Variants in TENM1 observed in about 807,000 individuals in gnomAD.
TENM1 encodes teneurin transmembrane protein 1.
TENM1 carries 35 observed loss-of-function variants against 174.8 expected under a neutral mutation model. The observed-to-expected ratio is 0.20, with a 90% CI of 0.15 to 0.27. The LOEUF (loss-of-function observed/expected upper bound fraction) is 0.27. TENM1 is among the 10% of genes least tolerant of loss of function. TENM1 has a pLI of 1.00. For missense variants in TENM1, 1,633 were observed against 2,130.1 expected, an observed-to-expected ratio of 0.77 and a Z score of 4.59; for synonymous variants, 781 against 798.7, an observed-to-expected ratio of 0.98 and a Z score of 0.37.
At chrX:124,538,975 G>C (rs2048262762) in intron 15 of TENM1, among the ~76,000 whole-genome samples, 1 of 111,388 alleles carries the variant, frequency 9.0e-6, no homozygotes, top group African/African-American at 3.3e-5. Context: ...GTGGTCTAAG[G>C]CTGTTACTGA....
chrX:124,648,887 T>C (rs1340303712), intron 8 of TENM1, among the ~76,000 whole-genome samples: 1 of 112,035 alleles, frequency 8.9e-6, no homozygotes. Flanking sequence ...TAAATAAAAA[T>C]CCGTACATCT....
At chrX:124,900,028 G>A (rs1426339134) in intron 1 of TENM1, among the ~76,000 whole-genome samples, 1 of 112,402 alleles carries the variant, frequency 8.9e-6, no homozygotes. Flanking sequence ...CTTACCAAAA[G>A]AGCAATTGGA....
At chrX:124,556,185 G>T (rs759105007) in intron 14 of TENM1, among the ~76,000 whole-genome samples, 2 of 110,842 alleles carry the variant, frequency 1.8e-5, no homozygotes, top group Admixed American at 9.6e-5. Flanking sequence ...CAACAGCAGT[G>T]GTTATCCCAG....
the TENM1 span, among the ~76,000 whole-genome samples, chrX:125,027,792 TA>T: frequency 9.1e-6 from 1 of 110,103 alleles, no homozygotes; most frequent in South Asian, 3.8e-4. Flanking sequence ...CTCTTATGAC[TA>T]AAAAGTAGCA....
chrX:124,662,441 G>A (rs767114644), intron 6 of TENM1, among the ~76,000 whole-genome samples: 1 of 95,530 alleles, frequency 1.0e-5, no homozygotes, highest in East Asian at 3.3e-4. Context: ...ACGACAGGGC[G>A]AGACTTCATC....
chrX:125,191,155 A>G, the TENM1 span, among the ~76,000 whole-genome samples: 1 of 111,544 alleles, frequency 9.0e-6, no homozygotes, highest in South Asian at 3.7e-4. Context: ...TTTATTTCAT[A>G]TTATTTATTT....
At chrX:124,963,792 GAGGAAGTCCTTTAATGCA>G in exon 1 of TENM1, 1 of 1,094,135 alleles carries the variant, frequency 9.1e-7, no homozygotes, top group Non-Finnish European at 1.3e-6. Flanking sequence ...AAAAAAGGAT[GAGGAAGTCCTTTAATGCA>G]AGCAGTCCTG....
At chrX:124,527,446 G>A (rs1011578003) in intron 16 of TENM1, among the ~76,000 whole-genome samples, 5 of 110,568 alleles carry the variant, frequency 4.5e-5, no homozygotes, top group African/African-American at 6.6e-5. Flanking sequence ...TGCATTCAAC[G>A]GGGACTTTGA....
the TENM1 span, among the ~76,000 whole-genome samples, chrX:125,190,097 A>T: frequency 1.2e-4 from 13 of 111,589 alleles, no homozygotes; most frequent in Non-Finnish European, 2.4e-4. Flanking sequence ...GTGTTAATAA[A>T]AGAGACAGTT....
chrX:124,383,580 T>TC (rs2060185584), intron 30 of TENM1, 54 bp downstream of exon 33: 1 of 1,022,965 alleles, frequency 9.8e-7, no homozygotes, highest in Non-Finnish European at 1.3e-6. Context: ...TGTGATAAAA[T>TC]CAACAGTACT....
chrX:124,837,270 G>T (rs2056411098), intron 3 of TENM1, among the ~76,000 whole-genome samples: 1 of 111,633 alleles, frequency 9.0e-6, no homozygotes, highest in East Asian at 2.8e-4. Context: ...TGTATTTTTA[G>T]TAGAGACAGG....
At chrX:124,777,260 T>A (rs1175199697) in intron 3 of TENM1, among the ~76,000 whole-genome samples, 3 of 111,991 alleles carry the variant, frequency 2.7e-5, no homozygotes, top group East Asian at 5.6e-4. Flanking sequence ...TAGCTTGAGA[T>A]CAGTGTTAGT....
intron 23 of TENM1, among the ~76,000 whole-genome samples, chrX:124,445,644 AC>A (rs900379711): frequency 2.7e-5 from 3 of 112,237 alleles, no homozygotes; most frequent in Admixed American, 9.4e-5. Flanking sequence ...CTCTAGACAA[AC>A]ACCTCAAAGT....
chrX:124,420,247 T>C, intron 25 of TENM1, 64 bp downstream of exon 28: 1 of 1,080,194 alleles, frequency 9.3e-7, no homozygotes, highest in Non-Finnish European at 1.2e-6. Context: ...TAAGGCATTT[T>C]CCCAGTATAA....
chrX:124,917,410 C>A (rs2057944797), intron 1 of TENM1, among the ~76,000 whole-genome samples: 1 of 111,657 alleles, frequency 9.0e-6, no homozygotes, highest in Admixed American at 9.5e-5. Flanking sequence ...GAAGTGGTGG[C>A]CTAGAGATGA....
chrX:125,093,146 A>G, the TENM1 span, among the ~76,000 whole-genome samples: 1 of 112,378 alleles, frequency 8.9e-6, no homozygotes, highest in Non-Finnish European at 1.9e-5. Context: ...GGATTATTGT[A>G]GGCCACCTGT....
the TENM1 span, among the ~76,000 whole-genome samples, chrX:125,035,156 C>G: frequency 9.0e-6 from 1 of 110,810 alleles, no homozygotes; most frequent in Admixed American, 9.6e-5. Flanking sequence ...AATGGTATAC[C>G]TATATTTGGA....
chrX:124,893,663 G>GT (rs113832467), intron 3 of TENM1, among the ~76,000 whole-genome samples: 3,509 of 111,763 alleles, frequency 0.031, 124 homozygotes, highest in African/African-American at 0.11. Flanking sequence ...GTTACTTTCA[G>GT]TAGTATCCCT....
exon 26 of TENM1, chrX:124,406,422 C>T (rs150253891): frequency 1.2e-5 from 15 of 1,208,249 alleles, no homozygotes; most frequent in Non-Finnish European, 1.5e-5. Context: ...TTCTCCAGGT[C>T]ACTGTGGAAG....
Sources: gnomAD v4.1 joint callset for allele counts (sites outside exome capture counted in the v4.1 genomes callset) on GRCh38, gnomAD v4.1.1 for gene constraint, MANE v1.5 for transcripts, NCBI Gene and HGNC (gene_info 2026-07-23, HGNC 2026-07-21) for gene names.